Variants in SETD1A observed in about 807,000 individuals in gnomAD.
SETD1A encodes the protein histone-lysine N-methyltransferase SETD1A.
A neutral mutation model predicts 149.9 loss-of-function variants in SETD1A; 29 were observed. The observed-to-expected ratio is 0.19, with a 90% CI of 0.14 to 0.26. SETD1A has a LOEUF of 0.26. Ranked by LOEUF, SETD1A falls within the 10% of genes least tolerant of loss-of-function variation. The pLI is 1.00. For missense variants in SETD1A, 2,109 were observed against 2,353.1 expected, an observed-to-expected ratio of 0.90 and a Z score of 2.15; for synonymous variants, 1,141 against 968.5, an observed-to-expected ratio of 1.18 and a Z score of -3.31.
chr16:30,971,270 C>G, intron 12 of SETD1A, 108 bp from the exon 13 acceptor site: 1 of 1,190,858 alleles, frequency 8.4e-7, no homozygotes, highest in Non-Finnish European at 1.2e-6. Flanking sequence ...TGGACTTCCC[C>G]GTCCCTAGCC....
intron 13 of SETD1A, 108 bp downstream of exon 13, chr16:30,971,827 C>T: frequency 2.2e-6 from 3 of 1,358,818 alleles, no homozygotes; most frequent in Non-Finnish European, 2.9e-6. Context: ...ATTAGAAAAA[C>T]ATACAAAGAA....
intron 4 of SETD1A, among the ~76,000 whole-genome samples, chr16:30,962,584 G>T (rs548589121): frequency 6.6e-6 from 1 of 152,320 alleles, no homozygotes. Flanking sequence ...GGAGGAGGCA[G>T]CCATTAGTAG....
rs1170883733 is a variant in SETD1A, at chr16:30,964,227, C to T, written c.773C>T (p.Ser258Phe). The change falls in exon 6 of 19, where the codon TCT becomes TTT. Residue 258 changes from serine to phenylalanine, a missense_variant. Ser to Phe is a radical substitution (Grantham distance 155). Transcript: ENST00000262519. ...SFSSSRQDTPSSFGQFTPQSS... is the reference protein window; with the variant it reads ...SFSSSRQDTPFSFGQFTPQSS... ...TCCAGCAGCCGACAAGATACCCCAT[C>T]TTCCTTTGGCCAGTTCACACCTCAG... 22 of 1,614,036 alleles carry T rather than the reference C, an allele frequency of 1.4e-5. No individual in the cohort carries two copies. The highest frequency in any genetic ancestry group is 1.8e-5 in the Non-Finnish European group (21 of 1,180,012).
rs2056056383 is a variant in SETD1A at position 30,961,822 on chromosome 16, T to A, written c.517+285T>A. Reference sequence around the variant, plus strand: ...GTTGTACTAGGTAAGATGAATAGATTGTAGTAAATCAGCCCAGGTCAGGTT... The same window carrying A: ...GTTGTACTAGGTAAGATGAATAGATAGTAGTAAATCAGCCCAGGTCAGGTT... On this transcript the variant is annotated intron_variant, in intron 4 of 18. Transcript: ENST00000262519. This position sits in a 1 kb window ranked among gnomAD's most constrained non-coding sequence, Gnocchi z 4.0. Among the ~76,000 whole-genome samples the A allele has an allele frequency of 6.6e-6, 1 of 151,872 alleles. No individual in the cohort carries two copies. Among genetic ancestry groups the A allele is most frequent in the African/African-American group, 2.4e-5 (1 of 41,298 alleles).
intron 13 of SETD1A, among the ~76,000 whole-genome samples, chr16:30,978,837 G>C (rs2056319573): frequency 6.6e-6 from 1 of 152,224 alleles, no homozygotes; most frequent in African/African-American, 2.4e-5. Flanking sequence ...GCCCTTCTCA[G>C]CGTGGTTACA....
chr16:30,959,734 C>G (rs1237488381), intron 3 of SETD1A, among the ~76,000 whole-genome samples: 1 of 132,910 alleles, frequency 7.5e-6, no homozygotes, highest in Non-Finnish European at 1.6e-5. Flanking sequence ...TTTGTGGGGT[C>G]CCTTCATTCT....
intron 13 of SETD1A, among the ~76,000 whole-genome samples, chr16:30,973,761 C>T (rs1395884110): frequency 1.3e-5 from 2 of 152,122 alleles, no homozygotes; most frequent in African/African-American, 4.8e-5. Flanking sequence ...GGAAGACCTC[C>T]TCACCCTGGT....
intron 3 of SETD1A, among the ~76,000 whole-genome samples, chr16:30,960,504 G>A (rs2056036088): frequency 6.6e-6 from 1 of 152,144 alleles, no homozygotes; most frequent in East Asian, 1.9e-4. Flanking sequence ...CCTTCCCTGG[G>A]CTCCAGAACA....
chr16:30,974,073 T>C (rs2056256319), intron 13 of SETD1A, among the ~76,000 whole-genome samples: 1 of 152,130 alleles, frequency 6.6e-6, no homozygotes, highest in Admixed American at 6.6e-5. Context: ...TTTAATGGCA[T>C]GAACCAAAGC....
chr16:30,969,854 T>A (rs1447330961), intron 12 of SETD1A, among the ~76,000 whole-genome samples, 165 bp downstream of exon 12: 1 of 152,214 alleles, frequency 6.6e-6, no homozygotes, highest in Admixed American at 6.5e-5. Flanking sequence ...CTTGGCCCCT[T>A]GACAGCAATA....
chr16:30,981,262 T>G, intron 17 of SETD1A, 82 bp downstream of exon 17: 1 of 1,566,406 alleles, frequency 6.4e-7, no homozygotes, highest in Non-Finnish European at 8.7e-7. Flanking sequence ...GTTTGTCCGG[T>G]TAAAGCCTTG....
At chr16:30,978,985 A>G (rs887503815) in intron 13 of SETD1A, among the ~76,000 whole-genome samples, 160 bp from the exon 14 acceptor site, 1 of 152,190 alleles carries the variant, frequency 6.6e-6, no homozygotes, top group African/African-American at 2.4e-5. Flanking sequence ...AAGGGAGTTC[A>G]TCTTGCTGGG....
At position 30,961,466 on chromosome 16, in the gene SETD1A, AG is replaced by A; in HGVS notation, c.448del (p.Glu150LysfsTer28). The A allele has an allele frequency of 6.2e-7, 1 of 1,614,174 alleles. No homozygotes were observed. ...RVLFTSTRGA[K>X]ETVKNLHLTS... is the part of the protein sequence containing the mutation. The stretch of plus-strand genomic sequence containing the variant: ...CTCTTCACCAGCACTCGGGGCGCCA[AG>A]GAAACGGTCAAAAACCTCCACCTTA... On this transcript the variant is annotated frameshift_variant, in exon 4 of 19. Coordinates refer to ENST00000262519, the MANE Select transcript of SETD1A (RefSeq NM_014712.3). LOFTEE classifies it high-confidence loss of function. The surrounding 1 kb of genome is among the most constrained non-coding windows in gnomAD (Gnocchi z 4.0).
Position 30,964,773 on chromosome 16 carries a change from T to C in SETD1A, c.1031T>C (p.Leu344Ser), listed in dbSNP as rs767190356. The part of the protein sequence containing the change: ...TASSSASSSS[L>S]SSSSSSSSSS... The stretch of plus-strand genomic sequence containing the variant: ...TCATCCTCCGCCTCTTCCTCCTCAT[T>C]GTCCTCGTCCTCCTCGTCATCCTCT... Residue 344 changes from leucine to serine, a missense_variant, in exon 7 of 19, where the codon TTG (leucine) becomes TCG (serine). Coordinates refer to ENST00000262519, the MANE Select transcript of SETD1A (RefSeq NM_014712.3). 2.7e-5 allele frequency: 44 copies of C among 1,613,916 alleles called. No homozygotes were observed. Among genetic ancestry groups the C allele is most frequent in the Non-Finnish European group, 3.5e-5 (41 of 1,179,942 alleles).
chr16:30,975,605 A>G (rs1229848882), intron 13 of SETD1A, among the ~76,000 whole-genome samples: 2 of 151,248 alleles, frequency 1.3e-5, no homozygotes, highest in Non-Finnish European at 2.9e-5. Flanking sequence ...TAATTTTCGT[A>G]TTTTTAGTTG....
At chr16:30,978,490 G>A (rs1368031720) in intron 13 of SETD1A, among the ~76,000 whole-genome samples, 1 of 152,082 alleles carries the variant, frequency 6.6e-6, no homozygotes, top group Non-Finnish European at 1.5e-5. Context: ...CGGAGCCAGT[G>A]TGTTCCCTCC....
chr16:30,964,424 A>G, intron 6 of SETD1A, 101 bp downstream of exon 6: 1 of 1,330,452 alleles, frequency 7.5e-7, no homozygotes. Context: ...GTTGGAAATA[A>G]TTTGTCCTAG....
chr16:30,962,563 C>A (rs1034536220), intron 4 of SETD1A, among the ~76,000 whole-genome samples: 2 of 152,144 alleles, frequency 1.3e-5, no homozygotes, highest in Non-Finnish European at 2.9e-5. Context: ...CTGCAGATTG[C>A]AGTATTGTCT....
Position 30,984,663 on chromosome 16 carries a change from A to T in SETD1A, c.*640A>T, listed in dbSNP as rs1419591048. The T allele has an allele frequency of 6.5e-6, 1 of 152,906 alleles. No individual in the cohort carries two copies. Among genetic ancestry groups the T allele is most frequent in the Non-Finnish European group, 1.5e-5 (1 of 68,290 alleles). The allele number at this position is 152,906 out of a possible 1,614,324, so 9.5% of individuals were successfully genotyped here. ...ATTGTGATTAAACTTTATTGTACAA[A>T]AGTGTTTGGTCGGTGTATTTGGGCA... is the stretch of plus-strand genomic sequence containing the variant. On this transcript the variant is annotated 3_prime_UTR_variant, in exon 19 of 19. Coordinates refer to ENST00000262519, the MANE Select transcript of SETD1A (RefSeq NM_014712.3).
Sources: gnomAD v4.1 joint callset for allele counts (sites outside exome capture counted in the v4.1 genomes callset) on GRCh38, gnomAD v4.1.1 for gene constraint, Gnocchi (gnomAD v3.1) non-coding constraint, MANE v1.5 for transcripts, NCBI Gene and HGNC (gene_info 2026-07-23, HGNC 2026-07-21) for gene names.